INTS9: variants seen among roughly 807,000 people sequenced by gnomAD.
INTS9 encodes the protein integrator complex subunit 9.
In INTS9, 55 loss-of-function variants were observed where a neutral mutation model predicts 79.7. The observed-to-expected ratio is 0.69, with a 90% CI of 0.56 to 0.86. The LOEUF (loss-of-function observed/expected upper bound fraction) is 0.86, where lower values mean the gene tolerates loss of function less well. Ranked by LOEUF, INTS9 falls within the 40% of genes least tolerant of loss-of-function variation. The pLI is 0.00. For missense variants in INTS9, 721 were observed against 831.5 expected (o/e 0.87, Z 1.64); for synonymous variants, 319 against 325.2 (o/e 0.98, Z 0.20).
Position 28,858,790 on chromosome 8 carries a change from C to G in INTS9, c.137+646G>C, listed in dbSNP as rs538439091. ...TCTGCTTTAGATAGCTTTTCCATAT[C>G]CTATCTTGTATGTGGTGTCACTTTT... On this transcript the variant is annotated intron_variant, in intron 2 of 16. Transcript: ENST00000521022. 3.3e-5 allele frequency among the ~76,000 whole-genome samples: 5 copies of G among 152,314 alleles called. No homozygotes were observed. In the East Asian group the frequency reaches 9.6e-4, roughly 29 times the overall value.
At chr8:28,856,944 T>C (rs564511534) in intron 2 of INTS9, among the ~76,000 whole-genome samples, 2 of 152,268 alleles carry the variant, frequency 1.3e-5, no homozygotes, top group South Asian at 2.1e-4. Flanking sequence ...AATGTTTAGC[T>C]CCCACTTACA....
chr8:28,792,812 C>T (rs1211812447), intron 10 of INTS9, among the ~76,000 whole-genome samples: 1 of 151,620 alleles, frequency 6.6e-6, no homozygotes, highest in Non-Finnish European at 1.5e-5. Flanking sequence ...TCTTCGGAGG[C>T]TGAGGCAGGA....
chr8:28,817,272 G>GTT (rs1488206399), intron 6 of INTS9, among the ~76,000 whole-genome samples: 1 of 151,848 alleles, frequency 6.6e-6, no homozygotes, highest in African/African-American at 2.4e-5. Flanking sequence ...TTCTTCTAGG[G>GTT]TTTTTATGGT....
chr8:28,777,157 C>T (rs1802936039), intron 13 of INTS9, among the ~76,000 whole-genome samples: 1 of 152,092 alleles, frequency 6.6e-6, no homozygotes, highest in African/African-American at 2.4e-5. Context: ...GTGCTGGGCC[C>T]CTCCACCCTC....
chr8:28,770,943 G>A, intron 15 of INTS9, 39 bp downstream of exon 15: 1 of 1,440,966 alleles, frequency 6.9e-7, no homozygotes. Flanking sequence ...TTTCTTGCTG[G>A]GGAGAGGGTC....
intron 6 of INTS9, among the ~76,000 whole-genome samples, chr8:28,831,044 G>A (rs1478009918): frequency 2.0e-5 from 3 of 152,110 alleles, no homozygotes; most frequent in Admixed American, 1.3e-4. Context: ...CAATAGCAAA[G>A]ATATGGACTC....
chr8:28,830,096 G>A (rs4732884), intron 6 of INTS9, among the ~76,000 whole-genome samples: 1 of 151,768 alleles, frequency 6.6e-6, no homozygotes, highest in South Asian at 2.1e-4. Flanking sequence ...ACAGATAGAG[G>A]CTATATAATG....
intron 14 of INTS9, 191 bp from the exon 15 acceptor site, chr8:28,771,271 T>A: frequency 1.6e-6 from 1 of 637,694 alleles, no homozygotes; most frequent in Admixed American, 2.1e-5. Flanking sequence ...TCATTCATTC[T>A]GGCCTTTACT....
intron 3 of INTS9, among the ~76,000 whole-genome samples, chr8:28,847,552 T>G (rs1459154505): frequency 6.6e-6 from 1 of 151,858 alleles, no homozygotes; most frequent in Non-Finnish European, 1.5e-5. Context: ...ATGTAATGTT[T>G]TTCCGTGCAG....
chr8:28,879,982 A>AC (rs1207413890), intron 1 of INTS9, among the ~76,000 whole-genome samples: 1 of 152,128 alleles, frequency 6.6e-6, no homozygotes, highest in Non-Finnish European at 1.5e-5. Context: ...TCTGAAATCT[A>AC]CTAAAAGTCA....
At chr8:28,847,749 G>C (rs1035885736) in intron 3 of INTS9, among the ~76,000 whole-genome samples, 32 of 152,188 alleles carry the variant, frequency 2.1e-4, no homozygotes, top group Admixed American at 2.1e-3. Flanking sequence ...TATATGGGAG[G>C]TGCTGAGAAA....
chr8:28,882,548 G>GAAAAAAAAAAAAAAAAAA (rs376509452), intron 1 of INTS9, among the ~76,000 whole-genome samples: 6 of 74,842 alleles, frequency 8.0e-5, no homozygotes, highest in Admixed American at 1.3e-4. Context: ...AAAAAAAAAA[G>GAAAAAAAAAAAAAAAAAA]AAAAAAAAAA....
At chr8:28,847,156 G>A (rs192406410) in intron 3 of INTS9, among the ~76,000 whole-genome samples, 204 of 152,286 alleles carry the variant, frequency 1.3e-3, no homozygotes, top group African/African-American at 4.8e-3. Flanking sequence ...ATTATGTGGG[G>A]ACATGGATTA....
chr8:28,806,248 A>C (rs983077466), intron 8 of INTS9, among the ~76,000 whole-genome samples: 25 of 151,962 alleles, frequency 1.6e-4, no homozygotes, highest in African/African-American at 6.0e-4. Flanking sequence ...AAAACAAAAC[A>C]AAAAAAACCA....
intron 3 of INTS9, among the ~76,000 whole-genome samples, 160 bp from the exon 4 acceptor site, chr8:28,846,969 T>A (rs949115273): frequency 6.6e-6 from 1 of 152,184 alleles, no homozygotes; most frequent in Admixed American, 6.5e-5. Flanking sequence ...ATGTTTAGGC[T>A]TAGGCAGGCC....
chr8:28,810,600 T>TTCTC (rs145377206), intron 8 of INTS9, among the ~76,000 whole-genome samples: 3 of 150,106 alleles, frequency 2.0e-5, no homozygotes, highest in East Asian at 2.0e-4. Context: ...GAACAAGACC[T>TTCTC]TCTCTCTCTC....
intron 5 of INTS9, among the ~76,000 whole-genome samples, chr8:28,837,420 A>G: frequency 6.6e-6 from 1 of 152,180 alleles, no homozygotes. Flanking sequence ...CAATTAATTT[A>G]TAAGAAAAAA....
rs560036188 is a variant in INTS9, at chr8:28,848,761, G to A, written c.198+1452C>T. On this transcript the variant is annotated intron_variant, in intron 3 of 16. Transcript: ENST00000521022. Reference sequence around the variant, plus strand: ...CTCCTCACAGGCTCTCATCCTTCCCGGCCTGCAGAAGCATATTTGCCATTC... The same window carrying A: ...CTCCTCACAGGCTCTCATCCTTCCCAGCCTGCAGAAGCATATTTGCCATTC... Among the ~76,000 whole-genome samples the A allele has an allele frequency of 2.1e-4, 32 of 152,174 alleles. No homozygotes were observed. In the East Asian group the frequency reaches 4.2e-3, roughly 20 times the overall value.
intron 1 of INTS9, among the ~76,000 whole-genome samples, chr8:28,867,939 C>T (rs1316887213): frequency 6.6e-6 from 1 of 152,022 alleles, no homozygotes; most frequent in African/African-American, 2.4e-5. Flanking sequence ...AAAAATGAGG[C>T]ATAGGAAGTA....
Sources: gnomAD v4.1 joint callset for allele counts (sites outside exome capture counted in the v4.1 genomes callset) on GRCh38, gnomAD v4.1.1 for gene constraint, MANE v1.5 for transcripts, NCBI Gene and HGNC (gene_info 2026-07-23, HGNC 2026-07-21) for gene names.